The following RSPO2 variants were observed in gnomAD, a reference collection of about 807,000 sequenced individuals.
The protein encoded by RSPO2 is R-spondin 2.
A neutral mutation model predicts 30.9 loss-of-function variants in RSPO2; 14 were observed. That is an observed-to-expected ratio of 0.45 (90% confidence interval 0.30 to 0.71). The LOEUF (loss-of-function observed/expected upper bound fraction) is 0.71. Ranked by LOEUF, RSPO2 falls within the 30% of genes least tolerant of loss-of-function variation. The pLI, the probability that RSPO2 is intolerant of heterozygous loss-of-function variation, is 0.08. For synonymous variants in RSPO2, 107 were observed against 96.4 expected (o/e 1.11, Z -0.64); for missense variants, 264 against 301.9 (o/e 0.87, Z 0.93).
intron 2 of RSPO2, among the ~76,000 whole-genome samples, chr8:108,023,259 A>G (rs1811109508): frequency 6.6e-6 from 1 of 152,176 alleles, no homozygotes; most frequent in East Asian, 1.9e-4. Flanking sequence ...CACTTTAAGC[A>G]AATTCAGGAA....
At chr8:108,032,933 C>A (rs1811469028) in intron 2 of RSPO2, among the ~76,000 whole-genome samples, 1 of 151,386 alleles carries the variant, frequency 6.6e-6, no homozygotes, top group South Asian at 2.1e-4. Flanking sequence ...ACCTGTAGTC[C>A]CAGCTACTTG....
In RSPO2 at chr8:107,981,232, T is replaced by C. The variant is rs150376817; in HGVS notation, c.283+7824A>G. ...ATCATTAAATTACATTATTCAAGAA[T>C]GACAGGCTGGGCTCAGTGGCTCATG... On this transcript the variant is annotated intron_variant, in intron 3 of 5. Coordinates refer to ENST00000276659, the MANE Select transcript of RSPO2 (RefSeq NM_178565.5). Among the ~76,000 whole-genome samples the C allele has an allele frequency of 8.5e-5, 13 of 152,248 alleles. No homozygotes were observed. The East Asian group carries it at 1.5e-3, about 18-fold the overall frequency.
chr8:107,901,281 C>T, intron 5 of RSPO2, 91 bp from the exon 6 acceptor site: 1 of 1,416,676 alleles, frequency 7.1e-7, no homozygotes, highest in Non-Finnish European at 9.4e-7. Flanking sequence ...TGCACAAAGC[C>T]CATCTGGAAA....
In RSPO2 at chr8:107,924,425, G is replaced by C. The variant is rs143957853; in HGVS notation, c.617-23235C>G. Among the ~76,000 whole-genome samples the C allele has an allele frequency of 3.0e-3, 457 of 152,096 alleles. 2 individuals are homozygous for C. Among genetic ancestry groups the C allele is most frequent in the Middle Eastern group, 0.014 (4 of 294 alleles). On this transcript the variant is annotated intron_variant, in intron 5 of 5. Coordinates refer to ENST00000276659, the MANE Select transcript of RSPO2 (RefSeq NM_178565.5). ...GGAGGGGATCAGTATTAAACTCTTT[G>C]AAAGTCCGTGTATTGTCTGGAAAAT...
intron 5 of RSPO2, among the ~76,000 whole-genome samples, chr8:107,953,985 G>A (rs1479621883): frequency 7.9e-5 from 12 of 152,068 alleles, no homozygotes; most frequent in Admixed American, 7.9e-4. Flanking sequence ...CTTCTTTATT[G>A]CAGCTATTCC....
chr8:107,983,800 G>A (rs1171159804), intron 3 of RSPO2: 5 of 1,604,618 alleles, frequency 3.1e-6, no homozygotes, highest in South Asian at 1.1e-5. Context: ...GAGTTATGGA[G>A]CTTGCCACCA....
At chr8:108,051,609 A>C (rs190988897) in intron 2 of RSPO2, among the ~76,000 whole-genome samples, 28 of 152,364 alleles carry the variant, frequency 1.8e-4, no homozygotes, top group African/African-American at 6.7e-4. Context: ...TTGTGAAAGG[A>C]CAAGTGGAGC....
Position 108,082,541 on chromosome 8 carries a change from C to G in RSPO2, c.94+4G>C. On this transcript the variant is annotated splice_donor_region_variant and intron_variant, in intron 2 of 5. Coordinates refer to ENST00000276659, the MANE Select transcript of RSPO2 (RefSeq NM_178565.5). ...CCACGCACCTTTGGCAGAGAGGGAC[C>G]CACCTCGCTTACTGCGTCTCCATCG... 2 of 1,612,460 alleles carry G rather than the reference C, an allele frequency of 1.2e-6. No individual in the cohort carries two copies. Among genetic ancestry groups the G allele is most frequent in the Admixed American group, 1.7e-5 (1 of 60,020 alleles).
chr8:107,940,866 G>A (rs1213759669), intron 5 of RSPO2, among the ~76,000 whole-genome samples: 2 of 152,214 alleles, frequency 1.3e-5, no homozygotes, highest in South Asian at 4.2e-4. Flanking sequence ...GCTCCCTTCT[G>A]ATACAGTTTT....
intron 5 of RSPO2, among the ~76,000 whole-genome samples, chr8:107,920,453 T>C (rs1280744996): frequency 6.6e-6 from 1 of 152,152 alleles, no homozygotes; most frequent in Admixed American, 6.6e-5. Flanking sequence ...TCTAAAAACA[T>C]GATCCTCTAG....
intron 2 of RSPO2, among the ~76,000 whole-genome samples, chr8:108,043,074 A>G (rs1431165154): frequency 2.0e-5 from 3 of 152,302 alleles, no homozygotes; most frequent in Non-Finnish European, 4.4e-5. Context: ...GGGAAGAGGC[A>G]TTAAATAGCC....
chr8:108,063,702 A>ACTTT (rs1812554608), intron 2 of RSPO2, among the ~76,000 whole-genome samples: 1 of 151,906 alleles, frequency 6.6e-6, no homozygotes. Context: ...ATGGAACCAA[A>ACTTT]AAGAGCCCGC....
At chr8:108,043,584 GAA>G (rs1227287769) in intron 2 of RSPO2, among the ~76,000 whole-genome samples, 2 of 133,032 alleles carry the variant, frequency 1.5e-5, no homozygotes, top group Non-Finnish European at 3.2e-5. Context: ...TACTTTGGGG[GAA>G]AAAAGTATCT....
At chr8:107,958,334 C>T (rs1813499843) in intron 4 of RSPO2, 66 bp from the exon 5 acceptor site, 18 of 1,313,100 alleles carry the variant, frequency 1.4e-5, no homozygotes, top group Non-Finnish European at 1.6e-5. Flanking sequence ...ATTTGCTTCA[C>T]TGTCATCAAA....
intron 2 of RSPO2, among the ~76,000 whole-genome samples, chr8:108,054,786 G>A (rs548439352): frequency 3.2e-4 from 48 of 152,206 alleles, no homozygotes; most frequent in Admixed American, 1.8e-3. Flanking sequence ...CCCTCTTGCC[G>A]CACCCTAGTC....
Position 108,061,459 on chromosome 8 carries a change from G to A in RSPO2, c.94+21086C>T, listed in dbSNP as rs564572071. ...AAGAAGGCCATTACATCATGGTAAAGGGATCAATTCAACAAGAAGAGCTAA... is the reference window on the plus strand; with the variant it reads ...AAGAAGGCCATTACATCATGGTAAAAGGATCAATTCAACAAGAAGAGCTAA... On this transcript the variant is annotated intron_variant, in intron 2 of 5. Transcript: ENST00000276659. Among the ~76,000 whole-genome samples, 151 of 151,954 alleles carry A rather than the reference G, an allele frequency of 9.9e-4. 1 individual carries two copies. Among genetic ancestry groups the A allele is most frequent in the African/African-American group, 3.6e-3 (148 of 41,236 alleles).
intron 3 of RSPO2, among the ~76,000 whole-genome samples, chr8:107,965,018 T>G (rs1186825066): frequency 6.6e-6 from 1 of 152,212 alleles, no homozygotes; most frequent in African/African-American, 2.4e-5. Flanking sequence ...ATAAATGAGT[T>G]AGTCACCATT....
At chr8:107,904,844 A>C (rs186020094) in intron 5 of RSPO2, among the ~76,000 whole-genome samples, 158 of 152,248 alleles carry the variant, frequency 1.0e-3, no homozygotes, top group African/African-American at 3.7e-3. Context: ...GATTATCCTC[A>C]AAATGAACAA....
chr8:108,011,721 A>G (rs747146596), intron 2 of RSPO2, among the ~76,000 whole-genome samples: 3 of 152,248 alleles, frequency 2.0e-5, no homozygotes, highest in African/African-American at 7.2e-5. Flanking sequence ...AACCACATGC[A>G]TGGAATGTAC....
Sources: allele counts gnomAD v4.1 joint callset (sites outside exome capture counted in the v4.1 genomes callset), GRCh38; gene constraint gnomAD v4.1.1; transcripts MANE v1.5; gene names NCBI Gene and HGNC (gene_info 2026-07-23, HGNC 2026-07-21).